LPP: variants seen among roughly 807,000 people sequenced by gnomAD.
LPP encodes LIM domain containing preferred translocation partner in lipoma.
In LPP, 38 loss-of-function variants were observed where a neutral mutation model predicts 60.4. The ratio of observed to expected loss-of-function variants is 0.63; its 90% CI spans 0.49 to 0.83. The LOEUF (loss-of-function observed/expected upper bound fraction) is 0.83, where lower values mean the gene tolerates loss of function less well. Ranked by LOEUF, LPP falls within the 40% of genes least tolerant of loss-of-function variation. LPP has a pLI of 0.00. For missense variants in LPP, 902 were observed against 783.6 expected (o/e 1.15, Z -1.80); for synonymous variants, 328 against 290.8 (o/e 1.13, Z -1.30).
chr3:188,606,769 G>A (rs1019881772), intron 6 of LPP, among the ~76,000 whole-genome samples: 2 of 152,060 alleles, frequency 1.3e-5, no homozygotes, highest in Non-Finnish European at 2.9e-5. Context: ...GATTTTTCTC[G>A]TCAATAATGC....
intron 1 of LPP, among the ~76,000 whole-genome samples, chr3:188,223,164 G>A (rs908209440): frequency 6.6e-6 from 1 of 152,166 alleles, no homozygotes. Flanking sequence ...TTAAAATTCT[G>A]CATGTTTTGT....
chr3:188,308,687 C>T lies in LPP; in HGVS notation c.-66-32976C>T, dbSNP rs186614326. Among the ~76,000 whole-genome samples, 353 of 152,244 alleles carry T rather than the reference C, an allele frequency of 2.3e-3. 4 individuals carry two copies. Among genetic ancestry groups the T allele is most frequent in the African/African-American group, 8.0e-3 (332 of 41,544 alleles). The stretch of plus-strand genomic sequence containing the variant: ...GTGCTGCACAAAGTGTTGAGAGAAA[C>T]AAACAAAATCCAGGGTGCTCCCCTT... On this transcript the variant is annotated intron_variant, in intron 2 of 11. Transcript: ENST00000617246.
intron 4 of LPP, among the ~76,000 whole-genome samples, chr3:188,459,177 T>C (rs1009028672): frequency 6.6e-6 from 1 of 152,140 alleles, no homozygotes; most frequent in Non-Finnish European, 1.5e-5. Context: ...TTATAGCTAA[T>C]ACTTCATTAC....
At chr3:188,471,144 C>T (rs1267428130) in intron 4 of LPP, among the ~76,000 whole-genome samples, 1 of 152,138 alleles carries the variant, frequency 6.6e-6, no homozygotes, top group Non-Finnish European at 1.5e-5. Flanking sequence ...GAGTTTATTT[C>T]TGGGCTCTGT....
At chr3:188,375,565 A>G (rs1774777402) in intron 3 of LPP, among the ~76,000 whole-genome samples, 1 of 151,896 alleles carries the variant, frequency 6.6e-6, no homozygotes, top group Non-Finnish European at 1.5e-5. Flanking sequence ...CCCCTTTATC[A>G]TTTTTTATTG....
intron 9 of LPP, among the ~76,000 whole-genome samples, chr3:188,830,335 C>T (rs1232253241): frequency 1.3e-5 from 2 of 149,324 alleles, no homozygotes; most frequent in East Asian, 2.0e-4. Context: ...CTCAACCAGG[C>T]GCGGTGGCTC....
chr3:188,213,772 C>T lies in LPP; in HGVS notation c.-189-11633C>T, dbSNP rs547336447. ...TCTCTTTCACGAAAGGGGATGATCA[C>T]TTGTCCAAAAGGCAGAATGAATAGT... On this transcript the variant is annotated intron_variant, in intron 1 of 11. Coordinates refer to ENST00000617246, the MANE Select transcript of LPP (RefSeq NM_001375462.1). 3.9e-5 allele frequency among the ~76,000 whole-genome samples: 6 copies of T among 152,178 alleles called. No individual in the cohort carries two copies. In the South Asian group the frequency reaches 1.0e-3, roughly 26 times the overall value.
chr3:188,316,607 G>A (rs1755157269), intron 2 of LPP, among the ~76,000 whole-genome samples: 2 of 152,092 alleles, frequency 1.3e-5, no homozygotes, highest in Admixed American at 6.5e-5. Flanking sequence ...AAATGATAAC[G>A]ATGAACCTGC....
At chr3:188,170,433 C>A (rs953700167) in intron 1 of LPP, among the ~76,000 whole-genome samples, 3 of 150,592 alleles carry the variant, frequency 2.0e-5, no homozygotes, top group African/African-American at 7.3e-5. Context: ...CAGGCTCAAG[C>A]AATTCCACTG....
intron 1 of LPP, among the ~76,000 whole-genome samples, chr3:188,191,262 T>C (rs1728102368): frequency 6.6e-6 from 1 of 152,122 alleles, no homozygotes. Context: ...AAAAACCCAG[T>C]TGGTTTTAAA....
At chr3:188,192,914 A>T (rs970204748) in intron 1 of LPP, among the ~76,000 whole-genome samples, 2 of 152,188 alleles carry the variant, frequency 1.3e-5, no homozygotes, top group African/African-American at 4.8e-5. Flanking sequence ...CTGCTTTCCA[A>T]TACCTTCAGC....
At position 188,609,524 on chromosome 3, in the gene LPP, C is replaced by G; in HGVS notation, c.793C>G (p.Pro265Ala). ...TCCTGTCTCTGGGCAGTGTCCACCTCCTTCAACACGGGGAGGCATGGATTA... is the reference window on the plus strand; with the variant it reads ...TCCTGTCTCTGGGCAGTGTCCACCTGCTTCAACACGGGGAGGCATGGATTA... The part of the protein sequence containing the change: ...PVPVSGQCPP[P>A]STRGGMDYAY... The change falls in exon 7 of 12, where the codon CCT becomes GCT. Residue 265 changes from proline to alanine, a missense_variant. Transcript: ENST00000617246. The surrounding 1 kb of genome is among the most constrained non-coding windows in gnomAD (Gnocchi z 6.9). 2 of 1,614,000 alleles carry G rather than the reference C, an allele frequency of 1.2e-6. No homozygotes were observed. Among genetic ancestry groups the G allele is most frequent in the Non-Finnish European group, 1.7e-6 (2 of 1,179,990 alleles).
chr3:188,696,294 T>G (rs1863225751), intron 7 of LPP, among the ~76,000 whole-genome samples: 1 of 152,174 alleles, frequency 6.6e-6, no homozygotes, highest in African/African-American at 2.4e-5. Flanking sequence ...TATTTATACA[T>G]CATAGTATAT....
chr3:188,530,894 G>C (rs936651002), intron 6 of LPP, among the ~76,000 whole-genome samples: 1 of 152,186 alleles, frequency 6.6e-6, no homozygotes, highest in African/African-American at 2.4e-5. Context: ...TTAGCCTCTA[G>C]AAGCTATGCA....
intron 6 of LPP, among the ~76,000 whole-genome samples, chr3:188,529,871 T>A (rs948190443): frequency 6.6e-6 from 1 of 152,212 alleles, no homozygotes; most frequent in African/African-American, 2.4e-5. Flanking sequence ...AGGGCTTCAA[T>A]GTGCTACTTA....
intron 1 of LPP, among the ~76,000 whole-genome samples, chr3:188,216,398 G>A (rs1713634867): frequency 6.6e-6 from 1 of 151,526 alleles, no homozygotes. Flanking sequence ...AGCCTCCCGA[G>A]TAGCTAGGAC....
At chr3:188,677,595 A>G (rs1211298438) in intron 7 of LPP, among the ~76,000 whole-genome samples, 1 of 152,184 alleles carries the variant, frequency 6.6e-6, no homozygotes, top group African/African-American at 2.4e-5. Context: ...TGGCTGTCCT[A>G]GAGATGATAT....
At chr3:188,364,063 C>T (rs752509328) in intron 3 of LPP, among the ~76,000 whole-genome samples, 24 of 152,198 alleles carry the variant, frequency 1.6e-4, no homozygotes, top group Non-Finnish European at 3.1e-4. Flanking sequence ...GGACTCTCTG[C>T]AGTTCATTTG....
chr3:188,348,181 T>C (rs993232799), intron 3 of LPP, among the ~76,000 whole-genome samples: 1 of 151,984 alleles, frequency 6.6e-6, no homozygotes, highest in Non-Finnish European at 1.5e-5. Context: ...AGTTTTGCTC[T>C]TATTGCTCAG....
Sources: gnomAD v4.1 joint callset for allele counts (sites outside exome capture counted in the v4.1 genomes callset) on GRCh38, gnomAD v4.1.1 for gene constraint, Gnocchi (gnomAD v3.1) non-coding constraint, MANE v1.5 for transcripts, NCBI Gene and HGNC (gene_info 2026-07-23, HGNC 2026-07-21) for gene names.